The following NEGR1 variants were observed in gnomAD, a reference collection of about 807,000 sequenced individuals.
The protein encoded by NEGR1 is IgLON family member 4.
A neutral mutation model predicts 40.9 loss-of-function variants in NEGR1; 10 were observed. That is an observed-to-expected ratio of 0.24 (90% confidence interval 0.15 to 0.42). NEGR1 has a LOEUF of 0.42. NEGR1 is among the 10% of genes least tolerant of loss of function. The pLI, the probability that NEGR1 is intolerant of heterozygous loss-of-function variation, is 1.00. For missense variants in NEGR1, 352 were observed against 438.9 expected (o/e 0.80, Z 1.77); for synonymous variants, 185 against 166.8 (o/e 1.11, Z -0.84).
chr1:71,617,295 A>G (rs1381209087), intron 4 of NEGR1, among the ~76,000 whole-genome samples: 4 of 152,222 alleles, frequency 2.6e-5, no homozygotes, highest in African/African-American at 9.6e-5. Context: ...CTAGCACCAT[A>G]ACTAGATGAA....
At chr1:71,976,521 T>G (rs1646305303) in intron 1 of NEGR1, among the ~76,000 whole-genome samples, 1 of 152,214 alleles carries the variant, frequency 6.6e-6, no homozygotes, top group Non-Finnish European at 1.5e-5. Flanking sequence ...TGAATCTGAT[T>G]GAGGGAGACT....
chr1:71,921,570 TTTC>T (rs984591328), intron 2 of NEGR1, among the ~76,000 whole-genome samples: 4 of 151,354 alleles, frequency 2.6e-5, no homozygotes, highest in Non-Finnish European at 5.9e-5. Flanking sequence ...TTTCTGTGAT[TTTC>T]TTAATAACAT....
Position 71,840,670 on chromosome 1 carries a change from G to T in NEGR1, c.410-64373C>A, listed in dbSNP as rs370291514. 2.6e-5 allele frequency among the ~76,000 whole-genome samples: 4 copies of T among 152,258 alleles called. No individual in the cohort carries two copies. The East Asian group carries it at 7.7e-4, about 29-fold the overall frequency. On this transcript the variant is annotated intron_variant, in intron 2 of 6. Coordinates refer to ENST00000357731, the MANE Select transcript of NEGR1 (RefSeq NM_173808.3). ...GATAAATGAACATCTGGGAAACTTG[G>T]AATGCTATAAATAGTTTTGTGCCAC...
chr1:72,173,547 C>T (rs1015576388), intron 1 of NEGR1, among the ~76,000 whole-genome samples: 1 of 151,774 alleles, frequency 6.6e-6, no homozygotes, highest in Admixed American at 6.6e-5. Context: ...ACTTTTTAAG[C>T]TATCTAATTT....
chr1:72,255,995 A>C (rs1375830233), intron 1 of NEGR1, among the ~76,000 whole-genome samples: 1 of 152,246 alleles, frequency 6.6e-6, no homozygotes, highest in African/African-American at 2.4e-5. Flanking sequence ...TTGTACAATA[A>C]AAGGATCAGC....
At chr1:72,154,401 C>T (rs1187967709) in intron 1 of NEGR1, among the ~76,000 whole-genome samples, 1 of 151,852 alleles carries the variant, frequency 6.6e-6, no homozygotes, top group Non-Finnish European at 1.5e-5. Context: ...AGAACCTCTT[C>T]CAAAATAAAT....
intron 3 of NEGR1, among the ~76,000 whole-genome samples, chr1:71,742,637 C>A (rs536671225): frequency 6.6e-6 from 1 of 152,182 alleles, no homozygotes; most frequent in African/African-American, 2.4e-5. Flanking sequence ...TTTGGAAGCA[C>A]ATAACTTGTC....
At chr1:71,545,556 CTCTT>C (rs1326696334) in intron 6 of NEGR1, among the ~76,000 whole-genome samples, 3 of 151,762 alleles carry the variant, frequency 2.0e-5, no homozygotes, top group Non-Finnish European at 2.9e-5. Context: ...CTCTGTCTCT[CTCTT>C]TCTGTCCCCT....
At chr1:72,056,968 T>G (rs980122189) in intron 1 of NEGR1, among the ~76,000 whole-genome samples, 1 of 151,502 alleles carries the variant, frequency 6.6e-6, no homozygotes, top group Admixed American at 6.6e-5. Context: ...TTCCCAAACT[T>G]TCCTGCACTG....
chr1:71,850,166 T>C lies in NEGR1; in HGVS notation c.410-73869A>G, dbSNP rs144022465. 3.4e-5 allele frequency among the ~76,000 whole-genome samples: 5 copies of C among 146,236 alleles called. No individual in the cohort carries two copies. In the East Asian group the frequency reaches 1.0e-3, roughly 29 times the overall value. On this transcript the variant is annotated intron_variant, in intron 2 of 6. Coordinates refer to ENST00000357731, the MANE Select transcript of NEGR1 (RefSeq NM_173808.3). ...GTTTGTTTGTTTGTTTGTTTGTTTG[T>C]TTGTTTTGAGATGAGTTTTTGCTCT...
At chr1:71,445,167 T>A (rs2101319107) in intron 6 of NEGR1, among the ~76,000 whole-genome samples, 1 of 152,320 alleles carries the variant, frequency 6.6e-6, no homozygotes, top group African/African-American at 2.4e-5. Context: ...ACAAGGGTTC[T>A]AGCAGCCTGC....
intron 1 of NEGR1, among the ~76,000 whole-genome samples, chr1:71,988,638 G>A (rs756443531): frequency 1.3e-5 from 2 of 149,994 alleles, no homozygotes; most frequent in Non-Finnish European, 3.0e-5. Flanking sequence ...CATAAAAAAG[G>A]AAGGAGGGAA....
chr1:71,800,035 C>T (rs566336546), intron 2 of NEGR1, among the ~76,000 whole-genome samples: 73 of 152,032 alleles, frequency 4.8e-4, no homozygotes, highest in Non-Finnish European at 8.7e-4. Context: ...TTAATGATCG[C>T]CATTGTAATT....
chr1:71,536,409 A>G (rs1647516627), intron 6 of NEGR1, among the ~76,000 whole-genome samples: 1 of 151,664 alleles, frequency 6.6e-6, no homozygotes, highest in South Asian at 2.1e-4. Context: ...CGGGAATCTT[A>G]GGCCTGCTCC....
chr1:71,504,752 G>C (rs1647021484), intron 6 of NEGR1, among the ~76,000 whole-genome samples: 1 of 152,126 alleles, frequency 6.6e-6, no homozygotes, highest in Admixed American at 6.5e-5. Flanking sequence ...AGGTAAAAGG[G>C]GAGGGATTTT....
intron 3 of NEGR1, among the ~76,000 whole-genome samples, chr1:71,725,282 G>A (rs1040924296): frequency 5.9e-5 from 9 of 151,982 alleles, no homozygotes; most frequent in African/African-American, 1.9e-4. Context: ...GGTCTTTTAC[G>A]TACATTGTGT....
intron 6 of NEGR1, among the ~76,000 whole-genome samples, chr1:71,467,939 G>T (rs1646757672): frequency 1.3e-5 from 2 of 151,906 alleles, no homozygotes; most frequent in Admixed American, 1.3e-4. Flanking sequence ...GAAAAATCCT[G>T]TGCTTTTCAG....
chr1:71,915,226 T>C (rs867856457), intron 2 of NEGR1, among the ~76,000 whole-genome samples: 58 of 152,304 alleles, frequency 3.8e-4, no homozygotes, highest in African/African-American at 1.3e-3. Flanking sequence ...TATTTAGATA[T>C]GATAAGAAGC....
intron 6 of NEGR1, among the ~76,000 whole-genome samples, chr1:71,482,039 T>C (rs973949922): frequency 2.0e-5 from 3 of 151,848 alleles, no homozygotes; most frequent in African/African-American, 7.2e-5. Context: ...GGGAGTAATG[T>C]ACCATCTCAT....
Sources: allele counts gnomAD v4.1 joint callset (sites outside exome capture counted in the v4.1 genomes callset), GRCh38; gene constraint gnomAD v4.1.1; transcripts MANE v1.5; gene names NCBI Gene and HGNC (gene_info 2026-07-23, HGNC 2026-07-21).